Variants in CIT observed in about 807,000 individuals in gnomAD.
The protein encoded by CIT is citron rho-interacting serine/threonine kinase, also known as citron Rho-interacting kinase.
In CIT, 79 loss-of-function variants were observed where a neutral mutation model predicts 272.7. That is an observed-to-expected ratio of 0.29 (90% CI 0.24 to 0.35). The LOEUF is 0.35. Among genes scored for constraint, CIT ranks in the 10% least tolerant of loss-of-function variants. The pLI, the probability that CIT is intolerant of heterozygous loss-of-function variation, is 1.00. For missense variants in CIT, 1,909 were observed against 2,618.3 expected, an observed-to-expected ratio of 0.73 and a Z score of 5.91; for synonymous variants, 948 against 995.6, an observed-to-expected ratio of 0.95 and a Z score of 0.90.
At chr12:119,790,246 T>C (rs1460153723) in intron 10 of CIT, among the ~76,000 whole-genome samples, 1 of 152,100 alleles carries the variant, frequency 6.6e-6, no homozygotes, top group Non-Finnish European at 1.5e-5. Flanking sequence ...AATATAGCCC[T>C]GTCCTCTTCA....
chr12:119,687,462 T>G lies in CIT; in HGVS notation c.*770A>C, dbSNP rs950430743. Reference sequence around the variant, plus strand: ...CTGGGGGGTGGGGAAGGAAAGCGTCTCGAGGTCCCTTGGCCCCAAGTCACT... The same window carrying G: ...CTGGGGGGTGGGGAAGGAAAGCGTCGCGAGGTCCCTTGGCCCCAAGTCACT... On this transcript the variant is annotated 3_prime_UTR_variant, in exon 48 of 48. Transcript: ENST00000392521. The G allele has an allele frequency of 1.3e-5, 2 of 152,626 alleles. No homozygotes were observed. Among genetic ancestry groups the G allele is most frequent in the African/African-American group, 4.8e-5 (2 of 41,432 alleles). 9.5% of individuals were successfully genotyped at this position (152,626 alleles called of 1,614,324 possible).
intron 10 of CIT, among the ~76,000 whole-genome samples, chr12:119,792,673 C>G (rs1184958360): frequency 1.3e-5 from 2 of 152,118 alleles, no homozygotes; most frequent in African/African-American, 4.8e-5. Context: ...GGTTTCACCA[C>G]CCCGTTGGCA....
intron 10 of CIT, among the ~76,000 whole-genome samples, chr12:119,798,415 G>A (rs900411648): frequency 2.6e-5 from 4 of 152,056 alleles, no homozygotes; most frequent in African/African-American, 7.3e-5. Context: ...ATCTCCCCAC[G>A]CCTCAGTTTC....
chr12:119,747,396 G>A (rs990744518), intron 23 of CIT, among the ~76,000 whole-genome samples: 15 of 144,086 alleles, frequency 1.0e-4, no homozygotes, highest in Admixed American at 2.8e-4. Context: ...ACTCCAGCCT[G>A]GGCAACAGAG....
intron 32 of CIT, among the ~76,000 whole-genome samples, chr12:119,715,159 A>G (rs1323099487): frequency 1.3e-5 from 2 of 152,204 alleles, no homozygotes; most frequent in Non-Finnish European, 2.9e-5. Context: ...CACATGAGAC[A>G]TGCCTTTTGC....
chr12:119,811,318 G>T (rs768639087), intron 9 of CIT, among the ~76,000 whole-genome samples: 1 of 152,040 alleles, frequency 6.6e-6, no homozygotes, highest in Non-Finnish European at 1.5e-5. Context: ...AAACAAAAAA[G>T]GTAGTTCAAA....
At position 119,690,382 on chromosome 12, in the gene CIT, C is replaced by T. The variant is rs139121341; in HGVS notation, c.5955G>A (p.Pro1985=). ...CTCGCGGGTGGCTGGGGCCTTCGGG[C>T]GGCGCTGGGCTGGAGGCCACGCGCT... ...ITKRVASSPA[P]PEGPSHPREP... Residue 1985 remains proline (P), a synonymous_variant, in exon 47 of 48, where the codon CCG becomes CCA. Transcript: ENST00000392521. This position sits in a 1 kb window ranked among gnomAD's most constrained non-coding sequence, Gnocchi z 6.0. The T allele has an allele frequency of 3.1e-6, 5 of 1,596,540 alleles. No individual in the cohort carries two copies. The highest frequency in any genetic ancestry group is 1.3e-5 in the African/African-American group (1 of 74,896).
chr12:119,857,372 C>T (rs1950200780), intron 4 of CIT, 151 bp downstream of exon 4: 3 of 692,650 alleles, frequency 4.3e-6, no homozygotes, highest in Non-Finnish European at 2.3e-6. Flanking sequence ...GAGCTAAGAA[C>T]ATGAGAGACC....
At chr12:119,831,599 GT>G (rs1968636394) in intron 7 of CIT, among the ~76,000 whole-genome samples, 1 of 152,244 alleles carries the variant, frequency 6.6e-6, no homozygotes, top group Non-Finnish European at 1.5e-5. Context: ...GCCGGGCGCA[GT>G]GGCTTATGCC....
intron 5 of CIT, among the ~76,000 whole-genome samples, chr12:119,836,094 C>G (rs2138144196): frequency 6.6e-6 from 1 of 151,980 alleles, no homozygotes; most frequent in African/African-American, 2.4e-5. Flanking sequence ...CGAGACCACC[C>G]TGGCCAACAT....
At position 119,712,599 on chromosome 12, in the gene CIT, G is replaced by A; in HGVS notation, c.4676C>T (p.Ala1559Val). The change falls in exon 36 of 48, where the codon GCC becomes GTC. Residue 1559 changes from alanine to valine, a missense_variant. By Grantham distance (64) the Ala-to-Val change is moderately conservative (BLOSUM62 0). Coordinates refer to ENST00000392521, the MANE Select transcript of CIT (RefSeq NM_001206999.2). This position sits in a 1 kb window ranked among gnomAD's most constrained non-coding sequence, Gnocchi z 5.2. The stretch of plus-strand genomic sequence containing the variant: ...CTCCGGCTCCTCCTCACCTGCTTTG[G>A]CTGTATTTGCGAGTTCGGAAGCACC... The part of the protein sequence containing the change: ...AVGASELANT[A>V]KADVPYILKM... The A allele has an allele frequency of 6.2e-7, 1 of 1,614,046 alleles. No individual in the cohort carries two copies. Among genetic ancestry groups the A allele is most frequent in the Non-Finnish European group, 8.5e-7 (1 of 1,179,920 alleles).
intron 46 of CIT, among the ~76,000 whole-genome samples, chr12:119,693,252 T>C (rs1003195932): frequency 3.9e-5 from 6 of 152,046 alleles, no homozygotes; most frequent in African/African-American, 1.5e-4. Context: ...TGGCAAGGAG[T>C]TACGTTTCCT....
At chr12:119,865,708 A>G (rs1950493284) in intron 3 of CIT, among the ~76,000 whole-genome samples, 1 of 152,058 alleles carries the variant, frequency 6.6e-6, no homozygotes, top group Non-Finnish European at 1.5e-5. Flanking sequence ...CATCTCTACT[A>G]AAAATACAAA....
Position 119,792,246 on chromosome 12 carries a change from T to C in CIT, c.1296-7181A>G, listed in dbSNP as rs912030507. Among the ~76,000 whole-genome samples the C allele has an allele frequency of 7.2e-5, 11 of 152,050 alleles. No homozygotes were observed. The East Asian group carries it at 2.1e-3, about 29-fold the overall frequency. Reference sequence around the variant, plus strand: ...AACCACAGATAACACAGATCACAAATCCCAGATATTCTTGGGAAAACCAAG... The same window carrying C: ...AACCACAGATAACACAGATCACAAACCCCAGATATTCTTGGGAAAACCAAG... On this transcript the variant is annotated intron_variant, in intron 10 of 47. Transcript: ENST00000392521.
intron 22 of CIT, among the ~76,000 whole-genome samples, chr12:119,755,198 A>G (rs1208518955): frequency 6.6e-6 from 1 of 152,162 alleles, no homozygotes; most frequent in African/African-American, 2.4e-5. Flanking sequence ...AAATAAATAA[A>G]TAAAGCCAGG....
chr12:119,709,785 AGAGTGT>A (rs1357292708), intron 39 of CIT, among the ~76,000 whole-genome samples: 248 of 52,396 alleles, frequency 4.7e-3, no homozygotes, highest in Middle Eastern at 0.046. Flanking sequence ...AGAGAGAGAG[AGAGTGT>A]GTGTGTGTGT....
intron 4 of CIT, among the ~76,000 whole-genome samples, chr12:119,855,400 G>T (rs553664061): frequency 6.6e-6 from 1 of 152,060 alleles, no homozygotes; most frequent in African/African-American, 2.4e-5. Flanking sequence ...TCCAGCCTGG[G>T]TGACAGAGAC....
rs545818447 is a variant in CIT, at chr12:119,846,890, A to G, written c.516+3284T>C. Among the ~76,000 whole-genome samples, 10 of 148,224 alleles carry G rather than the reference A, an allele frequency of 6.7e-5. No individual in the cohort carries two copies. In the East Asian group the frequency reaches 2.0e-3, roughly 29 times the overall value. The stretch of plus-strand genomic sequence containing the variant: ...ACTGCAACAGAGACATCATCACTTA[A>G]AAAAAAAAAAGAAAGAAAAAAATAC... On this transcript the variant is annotated intron_variant, in intron 5 of 47. Coordinates refer to ENST00000392521, the MANE Select transcript of CIT (RefSeq NM_001206999.2).
chr12:119,742,473 T>G lies in CIT; in HGVS notation c.2905-9A>C, dbSNP rs1959104445. On this transcript the variant is annotated splice_polypyrimidine_tract_variant and intron_variant, in intron 23 of 47. Transcript: ENST00000392521. ...ATTTCATCTCTATGTGCCTAAAAGG[T>G]AAGAAGTTGATTATAAATTTTTCAT... is the stretch of plus-strand genomic sequence containing the variant. 1 of 1,606,516 alleles carries G rather than the reference T, an allele frequency of 6.2e-7. No individual in the cohort carries two copies. Among genetic ancestry groups the G allele is most frequent in the Admixed American group, 1.7e-5 (1 of 58,354 alleles).
Sources: allele counts gnomAD v4.1 joint callset (sites outside exome capture counted in the v4.1 genomes callset), GRCh38; gene constraint gnomAD v4.1.1; non-coding constraint Gnocchi (gnomAD v3.1); transcripts MANE v1.5; gene names NCBI Gene and HGNC (gene_info 2026-07-23, HGNC 2026-07-21).